CCNY: variants seen among roughly 807,000 people sequenced by gnomAD.
The protein encoded by CCNY is cyclin-Y.
In CCNY, 19 loss-of-function variants were observed where a neutral mutation model predicts 42.8. The observed-to-expected ratio is 0.44, with a 90% CI of 0.31 to 0.65. CCNY has a LOEUF of 0.65. Among genes scored for constraint, CCNY ranks in the 30% least tolerant of loss-of-function variants. CCNY has a pLI of 0.07. For missense variants in CCNY, 370 were observed against 437.3 expected (o/e 0.85, Z 1.37); for synonymous variants, 165 against 162.7 (o/e 1.01, Z -0.11).
At chr10:35,531,972 CT>C (rs1840778690) in intron 7 of CCNY, among the ~76,000 whole-genome samples, 1 of 152,208 alleles carries the variant, frequency 6.6e-6, no homozygotes, top group African/African-American at 2.4e-5. Flanking sequence ...AGGACTGGCA[CT>C]TTTCTTGTGA....
intron 3 of CCNY, among the ~76,000 whole-genome samples, chr10:35,299,435 T>C (rs1017378448): frequency 1.3e-5 from 2 of 152,232 alleles, no homozygotes; most frequent in Non-Finnish European, 2.9e-5. Flanking sequence ...CTTCAAGTCT[T>C]TTGAAGTTCT....
chr10:35,367,025 A>C (rs1472527449), intron 1 of CCNY, among the ~76,000 whole-genome samples: 1 of 152,234 alleles, frequency 6.6e-6, no homozygotes, highest in African/African-American at 2.4e-5. Flanking sequence ...TGTTGTTCTC[A>C]TATAAAATTC....
chr10:35,462,983 A>G (rs1247686296), intron 1 of CCNY, among the ~76,000 whole-genome samples: 1 of 152,262 alleles, frequency 6.6e-6, no homozygotes, highest in African/African-American at 2.4e-5. Flanking sequence ...ACTTTTGGAA[A>G]GTATAAACTG....
At chr10:35,286,533 AT>A (rs1420991384) in intron 3 of CCNY, among the ~76,000 whole-genome samples, 1 of 149,882 alleles carries the variant, frequency 6.7e-6, no homozygotes, top group Non-Finnish European at 1.5e-5. Flanking sequence ...TAATCTTTGT[AT>A]TTTTAGTAGA....
At position 35,515,218 on chromosome 10, in the gene CCNY, T is replaced by G. The variant is rs187827834; in HGVS notation, c.265-1305T>G. Among the ~76,000 whole-genome samples the G allele has an allele frequency of 2.4e-3, 363 of 152,348 alleles. 5 individuals carry two copies. Among genetic ancestry groups the G allele is most frequent in the Admixed American group, 0.021 (325 of 15,304 alleles). On this transcript the variant is annotated intron_variant, in intron 3 of 9. Coordinates refer to ENST00000374704, the MANE Select transcript of CCNY (RefSeq NM_145012.6). ...GCCTCAGCTTCTGAATTTTCCTGGT[T>G]GTGGTTCTTTCCTTCTAACCTGTTT...
At chr10:35,263,109 C>T (rs928636157) in intron 3 of CCNY, among the ~76,000 whole-genome samples, 5 of 151,892 alleles carry the variant, frequency 3.3e-5, no homozygotes, top group Admixed American at 3.3e-4. Context: ...GTAATACCAG[C>T]ACTTTGGGAG....
chr10:35,374,771 A>C (rs186783240), intron 1 of CCNY, among the ~76,000 whole-genome samples: 37 of 152,344 alleles, frequency 2.4e-4, no homozygotes, highest in African/African-American at 8.2e-4. Context: ...AAGTAGCTAC[A>C]TATGTTAAAG....
chr10:35,313,195 G>A (rs1835710422), intron 3 of CCNY, among the ~76,000 whole-genome samples: 1 of 152,080 alleles, frequency 6.6e-6, no homozygotes. Context: ...TGGAAAAACT[G>A]GAAACCGCCA....
chr10:35,537,905 G>A (rs1038490072), intron 7 of CCNY, among the ~76,000 whole-genome samples: 4 of 152,062 alleles, frequency 2.6e-5, no homozygotes, highest in Non-Finnish European at 5.9e-5. Flanking sequence ...GGGAGGGCCC[G>A]GGGTGGAATG....
chr10:35,479,639 G>A (rs1427541416), intron 1 of CCNY, among the ~76,000 whole-genome samples: 2 of 148,882 alleles, frequency 1.3e-5, no homozygotes, highest in East Asian at 2.0e-4. Context: ...GGATAGCATT[G>A]GGAGATATAC....
At chr10:35,370,312 C>T (rs561877040) in intron 1 of CCNY, among the ~76,000 whole-genome samples, 88 of 152,134 alleles carry the variant, frequency 5.8e-4, no homozygotes, top group African/African-American at 1.9e-3. Flanking sequence ...CCACCACGCC[C>T]GGCTAATTTT....
rs1554801106 is a variant in CCNY, at chr10:35,553,202, A to G, written c.746+17A>G. On this transcript the variant is annotated intron_variant, in intron 8 of 9. Coordinates refer to ENST00000374704, the MANE Select transcript of CCNY (RefSeq NM_145012.6). Reference sequence around the variant, plus strand: ...GGAGGACATGTGAGTTGGGGGGCAGAGGGTGTTGGTCATCAGAGTCTTGGC... The same window carrying G: ...GGAGGACATGTGAGTTGGGGGGCAGGGGGTGTTGGTCATCAGAGTCTTGGC... 4 of 1,611,740 alleles carry G rather than the reference A, an allele frequency of 2.5e-6. No individual in the cohort carries two copies. The highest frequency in any genetic ancestry group is 1.1e-5 in the South Asian group (1 of 90,984).
chr10:35,555,985 C>G (rs1459143202), intron 8 of CCNY, among the ~76,000 whole-genome samples: 1 of 152,082 alleles, frequency 6.6e-6, no homozygotes, highest in Non-Finnish European at 1.5e-5. Context: ...AGAACCAGCA[C>G]TATGGTTAGT....
In CCNY at chr10:35,468,192, C is replaced by T. The variant is rs184984546; in HGVS notation, c.155-15212C>T. 4.9e-4 allele frequency among the ~76,000 whole-genome samples: 74 copies of T among 152,246 alleles called. 1 individual carries two copies. In the East Asian group the frequency reaches 0.012, roughly 25 times the overall value. On this transcript the variant is annotated intron_variant, in intron 1 of 9. Transcript: ENST00000374704. The stretch of plus-strand genomic sequence containing the variant: ...GATGACCATCTTCTTTTTGGTGTAA[C>T]CTCACATGGCAAAAGGGGCAAGGAA...
intron 2 of CCNY, among the ~76,000 whole-genome samples, chr10:35,487,519 G>C (rs886694097): frequency 2.6e-5 from 4 of 152,102 alleles, no homozygotes; most frequent in Admixed American, 1.3e-4. Context: ...CCTCCCAGCT[G>C]TTCACTAGAC....
chr10:35,369,325 A>T (rs1268901100), intron 1 of CCNY, among the ~76,000 whole-genome samples: 2 of 152,194 alleles, frequency 1.3e-5, no homozygotes, highest in Non-Finnish European at 2.9e-5. Context: ...CATCTGCCAA[A>T]CTATTAAGGG....
At chr10:35,255,488 G>A (rs1408980858) in intron 3 of CCNY, among the ~76,000 whole-genome samples, 1 of 151,766 alleles carries the variant, frequency 6.6e-6, no homozygotes, top group African/African-American at 2.4e-5. Flanking sequence ...TAGTGAGATG[G>A]GGTTTTATCA....
chr10:35,468,890 G>A (rs1839326211), intron 1 of CCNY, among the ~76,000 whole-genome samples: 1 of 152,182 alleles, frequency 6.6e-6, no homozygotes, highest in African/African-American at 2.4e-5. Flanking sequence ...TGCCAGCCCA[G>A]CCTCCTTTTC....
chr10:35,448,955 GGT>G (rs1185951923), intron 1 of CCNY, among the ~76,000 whole-genome samples: 2 of 152,034 alleles, frequency 1.3e-5, no homozygotes, highest in African/African-American at 4.8e-5. Context: ...GGGATTTGCT[GGT>G]TGGCTGCATT....
Sources: allele counts gnomAD v4.1 joint callset (sites outside exome capture counted in the v4.1 genomes callset), GRCh38; gene constraint gnomAD v4.1.1; transcripts MANE v1.5; gene names NCBI Gene and HGNC (gene_info 2026-07-23, HGNC 2026-07-21).